The following PKD2L2 variants were observed in gnomAD, a reference collection of about 807,000 sequenced individuals.
The protein encoded by PKD2L2 is polycystin 2 like 2, transient receptor potential cation channel.
PKD2L2 carries 67 observed loss-of-function variants against 83.9 expected under a neutral mutation model. The observed-to-expected ratio is 0.80, with a 90% CI of 0.66 to 0.98. PKD2L2 has a LOEUF of 0.98. PKD2L2 is among the 50% of genes least tolerant of loss of function. The pLI is 0.00. For synonymous variants in PKD2L2, 223 were observed against 237.8 expected, an observed-to-expected ratio of 0.94 and a Z score of 0.57; for missense variants, 632 against 717.2, an observed-to-expected ratio of 0.88 and a Z score of 1.36.
chr5:137,913,211 TCTCA>T (rs1440564334), intron 8 of PKD2L2, among the ~76,000 whole-genome samples: 1 of 139,770 alleles, frequency 7.2e-6, no homozygotes, highest in African/African-American at 2.7e-5. Context: ...TTTGAGACAG[TCTCA>T]CTCTGTTGCC....
chr5:137,933,658 T>A (rs1308500328), intron 12 of PKD2L2, among the ~76,000 whole-genome samples: 3 of 152,214 alleles, frequency 2.0e-5, no homozygotes, highest in Non-Finnish European at 4.4e-5. Context: ...TAACCTTAAT[T>A]AGTTCAGAAT....
chr5:137,932,858 A>G (rs1759987127), intron 12 of PKD2L2, among the ~76,000 whole-genome samples: 1 of 152,148 alleles, frequency 6.6e-6, no homozygotes. Context: ...TCGAGGTGCT[A>G]AAGTTTTGGA....
chr5:137,941,883 C>T (rs1183064213), intron 14 of PKD2L2: 2 of 1,342,638 alleles, frequency 1.5e-6, no homozygotes, highest in South Asian at 2.4e-5. Context: ...ATTATTTCAA[C>T]ATATGGTCAG....
At chr5:137,889,581 C>T in intron 1 of PKD2L2, 59 bp downstream of exon 1, 3 of 1,407,292 alleles carry the variant, frequency 2.1e-6, no homozygotes, top group Non-Finnish European at 2.8e-6. Flanking sequence ...TCCAGACACC[C>T]TGAAAGGAAC....
chr5:137,939,914 G>C (rs1216842177), intron 14 of PKD2L2: 56 of 1,325,754 alleles, frequency 4.2e-5, no homozygotes, highest in Non-Finnish European at 1.9e-6. Flanking sequence ...CAAAGTTCTT[G>C]AAGTTGAAAG....
intron 8 of PKD2L2, among the ~76,000 whole-genome samples, chr5:137,916,042 C>A (rs200541579): frequency 8.2e-6 from 1 of 121,430 alleles, no homozygotes; most frequent in South Asian, 2.7e-4. Context: ...TTTCTTTTTT[C>A]TTTTTTTTAA....
chr5:137,939,992 T>C (rs1761159438), intron 14 of PKD2L2: 2 of 1,576,594 alleles, frequency 1.3e-6, no homozygotes, highest in East Asian at 4.5e-5. Context: ...AACCATATGT[T>C]TGCTAAAGGT....
At chr5:137,890,267 G>C (rs931831317) in intron 1 of PKD2L2, 1 of 397,186 alleles carries the variant, frequency 2.5e-6, no homozygotes, top group African/African-American at 2.1e-5. Flanking sequence ...TGGCGACAGA[G>C]CTAGACTCCG....
Position 137,921,770 on chromosome 5 carries a change from A to G in PKD2L2, c.1449+14A>G. The G allele has an allele frequency of 6.4e-7, 1 of 1,555,158 alleles. No homozygotes were observed. The highest frequency in any genetic ancestry group is 1.2e-5 in the South Asian group (1 of 84,366). The stretch of plus-strand genomic sequence containing the variant: ...TTTGTCCTGCTGGTAAGAATAATAC[A>G]TATTCCTTTCATTTCTTACTTTTTA... On this transcript the variant is annotated intron_variant, in intron 9 of 14. Coordinates refer to ENST00000508883, the MANE Select transcript of PKD2L2 (RefSeq NM_001300921.2).
Position 137,932,890 on chromosome 5 carries a change from G to A in PKD2L2, c.1672-2907G>A, listed in dbSNP as rs145882075. ...TGGATTTTGAACACTTCAGATTTCC[G>A]ATTAGGGATACTCAATCTGTACTTC... On this transcript the variant is annotated intron_variant, in intron 12 of 14. Transcript: ENST00000508883. 1.0e-2 allele frequency among the ~76,000 whole-genome samples: 1,517 copies of A among 152,160 alleles called. 25 individuals are homozygous for A. The highest frequency in any genetic ancestry group is 0.034 in the African/African-American group (1,418 of 41,490).
chr5:137,889,523 G>A lies in PKD2L2; in HGVS notation c.31+1G>A. 1 of 1,553,390 alleles carries A rather than the reference G, an allele frequency of 6.4e-7. No individual in the cohort carries two copies. Among genetic ancestry groups the A allele is most frequent in the Non-Finnish European group, 8.6e-7 (1 of 1,158,038 alleles). On this transcript the variant is annotated splice_donor_variant, in intron 1 of 14. Coordinates refer to ENST00000508883, the MANE Select transcript of PKD2L2 (RefSeq NM_001300921.2). LOFTEE classifies it high-confidence loss of function. ...GAGGCGTCACGGTGGCACCGAGGCG[G>A]TGAGGGGTCCTCTTAAGGAGTGGGA...
intron 8 of PKD2L2, among the ~76,000 whole-genome samples, chr5:137,919,525 T>C (rs967627459): frequency 2.0e-5 from 3 of 151,264 alleles, no homozygotes; most frequent in African/African-American, 7.3e-5. Flanking sequence ...TTTTTTTTTT[T>C]CCCCAACTCA....
intron 4 of PKD2L2, among the ~76,000 whole-genome samples, chr5:137,898,353 A>G (rs760145897): frequency 1.3e-5 from 2 of 152,212 alleles, no homozygotes; most frequent in South Asian, 2.1e-4. Flanking sequence ...CAAAGTTTTT[A>G]TTGAGCATTT....
intron 12 of PKD2L2, among the ~76,000 whole-genome samples, chr5:137,927,122 G>T (rs1270329768): frequency 6.6e-6 from 1 of 152,194 alleles, no homozygotes; most frequent in Admixed American, 6.5e-5. Flanking sequence ...AGGATTCCAT[G>T]AATGAGACGT....
intron 8 of PKD2L2, among the ~76,000 whole-genome samples, chr5:137,919,514 CT>C (rs879670765): frequency 1.4e-4 from 21 of 148,486 alleles, no homozygotes; most frequent in African/African-American, 2.7e-4. Context: ...GTTCCTTCAT[CT>C]TTTTTTTTTT....
intron 12 of PKD2L2, among the ~76,000 whole-genome samples, chr5:137,929,389 A>G (rs1403792255): frequency 6.6e-6 from 1 of 151,390 alleles, no homozygotes; most frequent in East Asian, 1.9e-4. Context: ...TGAACCTGGG[A>G]GGCGGAGGTT....
intron 5 of PKD2L2, among the ~76,000 whole-genome samples, chr5:137,900,873 C>T (rs1006611010): frequency 2.0e-5 from 3 of 152,176 alleles, no homozygotes; most frequent in African/African-American, 7.2e-5. Context: ...CACGGTGGCT[C>T]ACGCCTATAA....
At chr5:137,915,193 CATTA>C (rs1758213172) in intron 8 of PKD2L2, among the ~76,000 whole-genome samples, 1 of 151,956 alleles carries the variant, frequency 6.6e-6, no homozygotes, top group Non-Finnish European at 1.5e-5. Context: ...CGAAGATTGG[CATTA>C]ATTCTCTTCT....
rs1448340875 is a variant in PKD2L2, at chr5:137,921,635, G to A, written c.1329-1G>A. 6.3e-7 allele frequency: 1 copy of A among 1,578,076 alleles called. No homozygotes were observed. The highest frequency in any genetic ancestry group is 1.8e-5 in the Admixed American group (1 of 56,440). On this transcript the variant is annotated splice_acceptor_variant, in intron 8 of 14. Coordinates refer to ENST00000508883, the MANE Select transcript of PKD2L2 (RefSeq NM_001300921.2). LOFTEE classifies it high-confidence loss of function. ...TTTTCTACTGTTTTTCTTTCTTAAA[G>A]ATTTGCACAATTTCGAATTGTTCTT...
Sources: allele counts gnomAD v4.1 joint callset (sites outside exome capture counted in the v4.1 genomes callset), GRCh38; gene constraint gnomAD v4.1.1; transcripts MANE v1.5; gene names NCBI Gene and HGNC (gene_info 2026-07-23, HGNC 2026-07-21).